The following COL6A3 variants were observed in gnomAD, a reference collection of about 807,000 sequenced individuals.
COL6A3 encodes collagen alpha-3(VI) chain.
COL6A3 carries 137 observed loss-of-function variants against 274.1 expected under a neutral mutation model. The observed-to-expected ratio is 0.50, with a 90% CI of 0.44 to 0.58. The LOEUF is 0.58. Among genes scored for constraint, COL6A3 ranks in the 20% least tolerant of loss-of-function variants. COL6A3 has a pLI of 0.00. For missense variants in COL6A3, 3,950 were observed against 4,124.9 expected (o/e 0.96, Z 1.16); for synonymous variants, 1,650 against 1,650.6 (o/e 1.00, Z 0.01).
In COL6A3 at chr2:237,364,505, C is replaced by A. The variant is rs985933845; in HGVS notation, c.5839-77G>T. ...AGACTGCTGATAGAAAACTGAGAGACTCGCTGTCTCAAGCCCTTCATTTTA... is the reference window on the plus strand; with the variant it reads ...AGACTGCTGATAGAAAACTGAGAGAATCGCTGTCTCAAGCCCTTCATTTTA... On this transcript the variant is annotated intron_variant, in intron 12 of 43. Transcript: ENST00000295550. The surrounding 1 kb of genome is among the most constrained non-coding windows in gnomAD (Gnocchi z 4.6). 2.7e-6 allele frequency: 3 copies of A among 1,118,210 alleles called. No individual in the cohort carries two copies. The African/African-American group carries it at 4.6e-5, about 17-fold the overall frequency. The allele number at this position is 1,118,210 out of a possible 1,614,324, so 69.3% of individuals were successfully genotyped here.
chr2:237,390,404 G>A (rs2078258269), intron 3 of COL6A3, among the ~76,000 whole-genome samples: 1 of 152,148 alleles, frequency 6.6e-6, no homozygotes, highest in African/African-American at 2.4e-5. Flanking sequence ...GGACATACAA[G>A]GGCATGCTTT....
chr2:237,376,713 C>T, intron 7 of COL6A3, 59 bp downstream of exon 7: 1 of 1,559,030 alleles, frequency 6.4e-7, no homozygotes, highest in Non-Finnish European at 8.8e-7. Flanking sequence ...CAGCAGCCTA[C>T]CCTCAACTCA....
Position 237,381,413 on chromosome 2 carries a change from A to T in COL6A3, c.1399T>A (p.Phe467Ile). The T allele has an allele frequency of 6.2e-7, 1 of 1,613,604 alleles. No homozygotes were observed. The highest frequency in any genetic ancestry group is 8.5e-7 in the Non-Finnish European group (1 of 1,180,030). The change falls in exon 5 of 44, where the codon TTC becomes ATC. Residue 467 changes from phenylalanine to isoleucine, a missense_variant. By Grantham distance (21) the Phe-to-Ile change is conservative (BLOSUM62 0). Transcript: ENST00000295550. ...AGCCTCTGGATGACTTTAGCAATGAAGTCTCGGATGGCATTGAAGTTGGCC... is the reference window on the plus strand; with the variant it reads ...AGCCTCTGGATGACTTTAGCAATGATGTCTCGGATGGCATTGAAGTTGGCC... ...GLANFNAIRD[F>I]IAKVIQRLEI...
intron 8 of COL6A3, among the ~76,000 whole-genome samples, chr2:237,372,597 C>T (rs568467780): frequency 7.9e-5 from 12 of 152,188 alleles, no homozygotes; most frequent in Admixed American, 5.2e-4. Flanking sequence ...TTGGGAAGGA[C>T]GTGACCTGCA....
chr2:237,340,370 C>G (rs1417844694), intron 38 of COL6A3, 82 bp downstream of exon 38: 1 of 1,336,378 alleles, frequency 7.5e-7, no homozygotes, highest in Admixed American at 1.8e-5. Flanking sequence ...CATCGGTTGT[C>G]TTTTCCATGA....
chr2:237,395,751 T>C (rs1269706413), intron 2 of COL6A3, among the ~76,000 whole-genome samples: 2 of 152,190 alleles, frequency 1.3e-5, no homozygotes, highest in African/African-American at 4.8e-5. Flanking sequence ...CTTGTGTAAA[T>C]GTAGAGAAGG....
In COL6A3 at chr2:237,342,714, C is replaced by G. The variant is rs1412968372; in HGVS notation, c.7669-553G>C. 4.4e-5 allele frequency: 7 copies of G among 158,302 alleles called. No individual in the cohort carries two copies. In the East Asian group the frequency reaches 1.2e-3, roughly 28 times the overall value. 9.8% of individuals were successfully genotyped at this position (158,302 alleles called of 1,614,324 possible). ...AATGAGCAAATAATTAATGAATGAA[C>G]AATTTTTTGATCTCGTTGAAACCAT... On this transcript the variant is annotated intron_variant, in intron 36 of 43. Coordinates refer to ENST00000295550, the MANE Select transcript of COL6A3 (RefSeq NM_004369.4).
chr2:237,369,209 CA>C, intron 9 of COL6A3, 32 bp from the exon 10 acceptor site: 1 of 1,601,984 alleles, frequency 6.2e-7, no homozygotes. Context: ...GGGAAACATT[CA>C]GTGTGTAAGT....
In COL6A3 at chr2:237,336,345, C is replaced by T. The variant is rs2106314483; in HGVS notation, c.8755G>A (p.Ala2919Thr). The part of the protein sequence containing the change: ...AAKPAPAKPV[A>T]AKPVATKMAT... ...ATCTTTGTGGCCACAGGCTTGGCAG[C>T]CACAGGTTTCGCAGGGGCCGGCTTT... Residue 2919 changes from alanine to threonine, a missense_variant, in exon 40 of 44, where the codon GCT becomes ACT. By Grantham distance (58) the Ala-to-Thr change is moderately conservative (BLOSUM62 0). This residue lies in a region of COL6A3 where 1,284 missense variants were observed against 1,349.7 expected (regional missense o/e 0.95). Coordinates refer to ENST00000295550, the MANE Select transcript of COL6A3 (RefSeq NM_004369.4). The T allele has an allele frequency of 6.2e-7, 1 of 1,613,550 alleles. No homozygotes were observed. The highest frequency in any genetic ancestry group is 2.2e-5 in the East Asian group (1 of 44,866).
intron 1 of COL6A3, among the ~76,000 whole-genome samples, chr2:237,397,670 C>T (rs1353889073): frequency 6.6e-6 from 1 of 152,210 alleles, no homozygotes; most frequent in East Asian, 1.9e-4. Flanking sequence ...CATTCTTAAA[C>T]ATAGTTCAAA....
At chr2:237,356,585 A>G (rs1211290539) in intron 23 of COL6A3, among the ~76,000 whole-genome samples, 1 of 152,108 alleles carries the variant, frequency 6.6e-6, no homozygotes, top group Admixed American at 6.5e-5. Context: ...AGTTCCCAGC[A>G]CCCAGCCCCA....
intron 13 of COL6A3, among the ~76,000 whole-genome samples, chr2:237,363,692 G>A (rs536205161): frequency 3.8e-4 from 58 of 152,310 alleles, no homozygotes; most frequent in Middle Eastern, 3.4e-3. Flanking sequence ...TCTGTAACAC[G>A]AGTATGCTGT....
rs567151556 is a variant in COL6A3 at position 237,376,998 on chromosome 2, G to T, written c.2844C>A (p.Val948=). 8.1e-6 allele frequency: 13 copies of T among 1,614,156 alleles called. No homozygotes were observed. The highest frequency in any genetic ancestry group is 1.0e-5 in the Non-Finnish European group (12 of 1,180,034). The change falls in exon 7 of 44, where the codon GTC becomes GTA. Residue 948 remains valine (V), a synonymous_variant. Transcript: ENST00000295550. Reference sequence around the variant, plus strand: ...CCACACGGTCAGATGACCTTCCTGCGACCAGCAGCACCAGGAACTGAAGCA... The same window carrying T: ...CCACACGGTCAGATGACCTTCCTGCTACCAGCAGCACCAGGAACTGAAGCA... ...DGVLQFLVLL[V]AGRSSDRVDG... is the part of the protein sequence containing the mutation.
At position 237,348,274 on chromosome 2, in the gene COL6A3, C is replaced by T. The variant is rs1295163037; in HGVS notation, c.6966+75G>A. 3 of 1,260,950 alleles carry T rather than the reference C, an allele frequency of 2.4e-6. No homozygotes were observed. In the Admixed American group the frequency reaches 5.1e-5, roughly 21 times the overall value. 78.1% of individuals were successfully genotyped at this position (1,260,950 alleles called of 1,614,324 possible). Reference sequence around the variant, plus strand: ...GACCCAAGACTAATGCCAAGATATTCTGATTCTCAGTCCATGGACATACCA... The same window carrying T: ...GACCCAAGACTAATGCCAAGATATTTTGATTCTCAGTCCATGGACATACCA... On this transcript the variant is annotated intron_variant, in intron 30 of 43. Coordinates refer to ENST00000295550, the MANE Select transcript of COL6A3 (RefSeq NM_004369.4).
In COL6A3 at chr2:237,347,793, C is replaced by A. The variant is rs1328946589; in HGVS notation, c.7029+14G>T. Reference sequence around the variant, plus strand: ...CTCATTCCTCACCTGCAGCCAAGGCCCACGCAAACTTACCCTTCGGCCTCT... The same window carrying A: ...CTCATTCCTCACCTGCAGCCAAGGCACACGCAAACTTACCCTTCGGCCTCT... On this transcript the variant is annotated intron_variant, in intron 31 of 43. Coordinates refer to ENST00000295550, the MANE Select transcript of COL6A3 (RefSeq NM_004369.4). 1 of 1,607,456 alleles carries A rather than the reference C, an allele frequency of 6.2e-7. No homozygotes were observed. The highest frequency in any genetic ancestry group is 1.7e-5 in the Admixed American group (1 of 59,272).
rs528379574 is a variant in COL6A3, at chr2:237,372,355, G to C, written c.3680-18C>G. The C allele has an allele frequency of 5.0e-6, 8 of 1,601,946 alleles. No individual in the cohort carries two copies. The African/African-American group carries it at 9.3e-5, about 19-fold the overall frequency. On this transcript the variant is annotated intron_variant, in intron 8 of 43. Transcript: ENST00000295550. ...ACCAACACCTGCGAAACAAATGTGA[G>C]CATGGCTTCACCTTCATCGTCACCA... is the stretch of plus-strand genomic sequence containing the variant.
chr2:237,347,935 G>A (rs2077129408), intron 30 of COL6A3, 66 bp from the exon 31 acceptor site: 1 of 1,453,388 alleles, frequency 6.9e-7, no homozygotes, highest in Non-Finnish European at 9.5e-7. Flanking sequence ...AGGGTCCGTG[G>A]GGTAAGACAT....
rs369957702 is a variant in COL6A3, at chr2:237,387,967, C to T, written c.927G>A (p.Val309=). The T allele has an allele frequency of 2.2e-5, 36 of 1,614,102 alleles. No individual in the cohort carries two copies. Among genetic ancestry groups the T allele is most frequent in the Middle Eastern group, 3.3e-4 (2 of 6,084 alleles). ...CCCCACCAGCAAACCCGAGGGCTTTCACTGCACCCAGAACCTGGGCCTTGG... is the reference window on the plus strand; with the variant it reads ...CCCCACCAGCAAACCCGAGGGCTTTTACTGCACCCAGAACCTGGGCCTTGG... ...YSTKAQVLGA[V]KALGFAGGEL... The change falls in exon 4 of 44, where the codon GTG becomes GTA. Residue 309 remains valine (V), a synonymous_variant. Coordinates refer to ENST00000295550, the MANE Select transcript of COL6A3 (RefSeq NM_004369.4).
chr2:237,386,153 T>G (rs75296848), intron 4 of COL6A3, among the ~76,000 whole-genome samples: 8,380 of 152,304 alleles, frequency 0.055, 561 homozygotes, highest in African/African-American at 0.15. Context: ...GCAAGTTCAA[T>G]CTAACTCAGT....
Sources: allele counts gnomAD v4.1 joint callset (sites outside exome capture counted in the v4.1 genomes callset), GRCh38; gene constraint gnomAD v4.1.1; regional missense constraint gnomAD v4.1.1; non-coding constraint Gnocchi (gnomAD v3.1); transcripts MANE v1.5; gene names NCBI Gene and HGNC (gene_info 2026-07-23, HGNC 2026-07-21).